The following DDR2 variants were observed in gnomAD, a reference collection of about 807,000 sequenced individuals.
DDR2 encodes discoidin domain receptor tyrosine kinase 2.
DDR2 carries 27 observed loss-of-function variants against 94.9 expected under a neutral mutation model. That is an observed-to-expected ratio of 0.28 (90% CI 0.21 to 0.39). The LOEUF is 0.39. Among genes scored for constraint, DDR2 ranks in the 10% least tolerant of loss-of-function variants. DDR2 has a pLI of 1.00. For missense variants in DDR2, 783 were observed against 1,076.0 expected, an observed-to-expected ratio of 0.73 and a Z score of 3.81; for synonymous variants, 382 against 377.2, an observed-to-expected ratio of 1.01 and a Z score of -0.15.
chr1:162,735,952 T>C (rs2102070381), intron 3 of DDR2, among the ~76,000 whole-genome samples: 1 of 152,348 alleles, frequency 6.6e-6, no homozygotes, highest in Non-Finnish European at 1.5e-5. Flanking sequence ...GAGGCTCTCA[T>C]TGCATTCATG....
Position 162,720,328 on chromosome 1 carries a change from G to A in DDR2, c.82+1183G>A, listed in dbSNP as rs73024579. On this transcript the variant is annotated intron_variant, in intron 3 of 17. Transcript: ENST00000367921. ...TTCCAGTAACTTTTCTCACCACCCC[G>A]CAAAGGTAGCCATTATCCTGCTTTC... 4.8e-3 allele frequency among the ~76,000 whole-genome samples: 725 copies of A among 152,018 alleles called. 3 individuals are homozygous for A. The highest frequency in any genetic ancestry group is 6.3e-3 in the Non-Finnish European group (427 of 67,992).
intron 3 of DDR2, among the ~76,000 whole-genome samples, chr1:162,751,335 A>G (rs1023397494): frequency 6.6e-6 from 1 of 152,230 alleles, no homozygotes; most frequent in Admixed American, 6.5e-5. Flanking sequence ...AAATGGGCAA[A>G]GAATATGAAT....
intron 3 of DDR2, among the ~76,000 whole-genome samples, chr1:162,748,342 G>C (rs1170518504): frequency 1.3e-5 from 2 of 152,136 alleles, no homozygotes; most frequent in Non-Finnish European, 2.9e-5. Context: ...AAAGGCAGGG[G>C]TTGCAATCCT....
At chr1:162,692,859 C>A (rs1660019283) in intron 2 of DDR2, among the ~76,000 whole-genome samples, 2 of 152,108 alleles carry the variant, frequency 1.3e-5, no homozygotes, top group Non-Finnish European at 2.9e-5. Context: ...ATATGTTTAC[C>A]TAAAAGTATG....
chr1:162,731,992 A>G (rs947334724), intron 3 of DDR2, among the ~76,000 whole-genome samples: 6 of 152,206 alleles, frequency 3.9e-5, no homozygotes, highest in African/African-American at 1.2e-4. Context: ...ACTATTTACT[A>G]TGAAAGTTTC....
At chr1:162,729,312 T>TG (rs1661901249) in intron 3 of DDR2, among the ~76,000 whole-genome samples, 1 of 134,750 alleles carries the variant, frequency 7.4e-6, no homozygotes, top group African/African-American at 2.9e-5. Context: ...TTTTTTTTTT[T>TG]TTTTTTTTCC....
In DDR2 at chr1:162,787,062, C is replaced by G. The variant is rs1223599810; in HGVS notation, c.*6816C>G. On this transcript the variant is annotated 3_prime_UTR_variant, in exon 18 of 18. Coordinates refer to ENST00000367921, the MANE Select transcript of DDR2 (RefSeq NM_006182.4). ...TGAAACGACCCCAAACAACCCATTT[C>G]TTACCTGGTCTCTGAGAATAAGTTT... 1 of 152,280 alleles carries G rather than the reference C, an allele frequency of 6.6e-6. No homozygotes were observed. The highest frequency in any genetic ancestry group is 1.5e-5 in the Non-Finnish European group (1 of 68,028). 9.4% of individuals were successfully genotyped at this position (152,280 alleles called of 1,614,324 possible).
At chr1:162,661,393 G>A (rs1658288606) in intron 2 of DDR2, among the ~76,000 whole-genome samples, 1 of 152,174 alleles carries the variant, frequency 6.6e-6, no homozygotes, top group Non-Finnish European at 1.5e-5. Context: ...TCCTAAAAAG[G>A]TAGCGTTGGT....
intron 9 of DDR2, among the ~76,000 whole-genome samples, chr1:162,762,242 C>T (rs1663781247): frequency 6.6e-6 from 1 of 152,152 alleles, no homozygotes; most frequent in Non-Finnish European, 1.5e-5. Flanking sequence ...TGATGGCTTT[C>T]TGTGGTGTCA....
chr1:162,747,795 G>A (rs185553789), intron 3 of DDR2, among the ~76,000 whole-genome samples: 18 of 152,272 alleles, frequency 1.2e-4, no homozygotes, highest in Admixed American at 6.5e-4. Flanking sequence ...GCCTAATAGC[G>A]GATCTCTCAG....
chr1:162,679,151 C>T (rs1659275686), intron 2 of DDR2, among the ~76,000 whole-genome samples: 1 of 151,308 alleles, frequency 6.6e-6, no homozygotes, highest in Admixed American at 6.6e-5. Flanking sequence ...GGGTAATAAG[C>T]ACAGTACCCA....
intron 3 of DDR2, among the ~76,000 whole-genome samples, chr1:162,751,055 C>G (rs1663169651): frequency 1.3e-5 from 2 of 152,122 alleles, no homozygotes; most frequent in Admixed American, 1.3e-4. Context: ...AGAAGAAAAC[C>G]TAGGCAATAC....
rs748493125 is a variant in DDR2 at position 162,782,329 on chromosome 1, A to G, written c.*2083A>G. 1 of 152,224 alleles carries G rather than the reference A, an allele frequency of 6.6e-6. No homozygotes were observed. The highest frequency in any genetic ancestry group is 1.5e-5 in the Non-Finnish European group (1 of 68,054). The allele number at this position is 152,224 out of a possible 1,614,324, so 9.4% of individuals were successfully genotyped here. ...TGGATCTATAACTGATGGGTTTAGT[A>G]ATCTGGTCATTTCTTGCTCTGAAAA... On this transcript the variant is annotated 3_prime_UTR_variant, in exon 18 of 18. Coordinates refer to ENST00000367921, the MANE Select transcript of DDR2 (RefSeq NM_006182.4).
rs1484985404 is a variant in DDR2, at chr1:162,785,739, T to C, written c.*5493T>C. ...TGTTTTGCTTGTAACATGGAGAGTT[T>C]ATTTTCAAGTGAGGAAAGAGAAAAA... is the stretch of plus-strand genomic sequence containing the variant. On this transcript the variant is annotated 3_prime_UTR_variant, in exon 18 of 18. Coordinates refer to ENST00000367921, the MANE Select transcript of DDR2 (RefSeq NM_006182.4). The C allele has an allele frequency of 6.6e-6, 1 of 152,240 alleles. No individual in the cohort carries two copies. The highest frequency in any genetic ancestry group is 1.5e-5 in the Non-Finnish European group (1 of 68,046). The allele number at this position is 152,240 out of a possible 1,614,324, so 9.4% of individuals were successfully genotyped here.
intron 1 of DDR2, among the ~76,000 whole-genome samples, chr1:162,645,020 T>G (rs1406453452): frequency 1.3e-5 from 2 of 152,220 alleles, no homozygotes; most frequent in Non-Finnish European, 2.9e-5. Flanking sequence ...GCTTTGCTAT[T>G]GGCAATGTAA....
At chr1:162,779,018 T>C (rs1647746929) in intron 17 of DDR2, among the ~76,000 whole-genome samples, 1 of 152,246 alleles carries the variant, frequency 6.6e-6, no homozygotes, top group African/African-American at 2.4e-5. Flanking sequence ...TCTCATGATT[T>C]ATCTATTTCT....
At chr1:162,724,675 G>A (rs1220393195) in intron 3 of DDR2, among the ~76,000 whole-genome samples, 1 of 152,168 alleles carries the variant, frequency 6.6e-6, no homozygotes, top group Non-Finnish European at 1.5e-5. Flanking sequence ...GGTTTATGTG[G>A]CCTCATCTGT....
At chr1:162,717,105 G>A (rs191105255) in intron 2 of DDR2, among the ~76,000 whole-genome samples, 6 of 150,292 alleles carry the variant, frequency 4.0e-5, no homozygotes, top group East Asian at 2.0e-4. Flanking sequence ...GCACAATCTC[G>A]GCTCACTGCA....
At chr1:162,680,193 C>A (rs985464110) in intron 2 of DDR2, among the ~76,000 whole-genome samples, 1 of 152,090 alleles carries the variant, frequency 6.6e-6, no homozygotes, top group African/African-American at 2.4e-5. Context: ...GTCTTCATCA[C>A]GAAATCTTTG....
Sources: gnomAD v4.1 joint callset for allele counts (sites outside exome capture counted in the v4.1 genomes callset) on GRCh38, gnomAD v4.1.1 for gene constraint, MANE v1.5 for transcripts, NCBI Gene and HGNC (gene_info 2026-07-23, HGNC 2026-07-21) for gene names.